The following SLC44A5 variants were observed in gnomAD, a reference collection of about 807,000 sequenced individuals.
SLC44A5 encodes the protein choline transporter-like protein 5.
In SLC44A5, 57 loss-of-function variants were observed where a neutral mutation model predicts 101.8. The observed-to-expected ratio is 0.56, with a 90% CI of 0.45 to 0.70. The LOEUF (loss-of-function observed/expected upper bound fraction) is 0.70. Ranked by LOEUF, SLC44A5 falls within the 30% of genes least tolerant of loss-of-function variation. The probability of loss-of-function intolerance (pLI) is 0.00; values close to 1 mark genes in which losing one functional copy is unlikely to be tolerated. For missense variants in SLC44A5, 737 were observed against 853.1 expected (o/e 0.86, Z 1.70); for synonymous variants, 281 against 290.9 (o/e 0.97, Z 0.35).
intron 1 of SLC44A5, among the ~76,000 whole-genome samples, chr1:75,588,350 A>G (rs1418845912): frequency 2.0e-4 from 30 of 152,074 alleles, no homozygotes; most frequent in Non-Finnish European, 1.5e-5. Flanking sequence ...CATTTATTGA[A>G]TACCCACTAT....
At chr1:75,591,345 C>T (rs1249119580) in intron 1 of SLC44A5, among the ~76,000 whole-genome samples, 1 of 151,956 alleles carries the variant, frequency 6.6e-6, no homozygotes. Flanking sequence ...TCTTACTTAA[C>T]AATAACATTA....
intron 4 of SLC44A5, among the ~76,000 whole-genome samples, chr1:75,333,564 T>A (rs572307988): frequency 7.9e-5 from 12 of 152,248 alleles, no homozygotes; most frequent in South Asian, 4.1e-4. Flanking sequence ...AGAGATTTTT[T>A]AAAAAGTATT....
In SLC44A5 at chr1:75,286,581, G is replaced by A. The variant is rs536840971; in HGVS notation, c.176-11539C>T. 1.6e-4 allele frequency among the ~76,000 whole-genome samples: 25 copies of A among 152,146 alleles called. No individual in the cohort carries two copies. The East Asian group carries it at 3.7e-3, about 22-fold the overall frequency. ...GTTTTATAGGTCCGTTGAGATTTAT[G>A]CTTTAAGGAGGTGCTATTTTGGTGT... On this transcript the variant is annotated intron_variant, in intron 5 of 23. Transcript: ENST00000370859.
At chr1:75,251,649 T>C (rs919712504) in intron 6 of SLC44A5, among the ~76,000 whole-genome samples, 13 of 152,200 alleles carry the variant, frequency 8.5e-5, no homozygotes, top group East Asian at 1.9e-4. Flanking sequence ...AGTATTAACA[T>C]ATGGTTTGAT....
chr1:75,272,180 A>G (rs1651532998), intron 6 of SLC44A5, among the ~76,000 whole-genome samples: 1 of 151,806 alleles, frequency 6.6e-6, no homozygotes, highest in East Asian at 1.9e-4. Flanking sequence ...TTTCTTGCTG[A>G]TTTGTTTGAG....
At chr1:75,485,780 A>G (rs556757919) in intron 2 of SLC44A5, among the ~76,000 whole-genome samples, 2 of 152,286 alleles carry the variant, frequency 1.3e-5, no homozygotes, top group South Asian at 4.1e-4. Flanking sequence ...ACAGTTCCAC[A>G]TGGCTGGGGA....
chr1:75,269,915 G>T (rs1651326153), intron 6 of SLC44A5, among the ~76,000 whole-genome samples: 1 of 152,156 alleles, frequency 6.6e-6, no homozygotes, highest in East Asian at 1.9e-4. Flanking sequence ...ATAATTGAAT[G>T]GTGGGGGCAG....
At chr1:75,458,761 T>C (rs1251533380) in intron 2 of SLC44A5, among the ~76,000 whole-genome samples, 3 of 152,184 alleles carry the variant, frequency 2.0e-5, no homozygotes, top group African/African-American at 7.2e-5. Context: ...TATTAGTCTA[T>C]AATCTTAATG....
chr1:75,492,824 G>A (rs572838116), intron 2 of SLC44A5, among the ~76,000 whole-genome samples: 2 of 152,270 alleles, frequency 1.3e-5, no homozygotes, highest in African/African-American at 4.8e-5. Flanking sequence ...CCCTTGGCCT[G>A]ACCACAGTGC....
At position 75,477,453 on chromosome 1, in the gene SLC44A5, C is replaced by T. The variant is rs557192073; in HGVS notation, c.13+63982G>A. ...AAGGCTTCAGATGATCAAACTACTCCGAGTTACAGGAGTAAATTCAAACCA... is the reference window on the plus strand; with the variant it reads ...AAGGCTTCAGATGATCAAACTACTCTGAGTTACAGGAGTAAATTCAAACCA... On this transcript the variant is annotated intron_variant, in intron 2 of 23. Coordinates refer to ENST00000370859, the MANE Select transcript of SLC44A5 (RefSeq NM_001130058.2). 1.4e-4 allele frequency among the ~76,000 whole-genome samples: 21 copies of T among 152,184 alleles called. No individual in the cohort carries two copies. In the South Asian group the frequency reaches 3.1e-3, roughly 23 times the overall value.
intron 4 of SLC44A5, among the ~76,000 whole-genome samples, chr1:75,333,493 T>C (rs1557673361): frequency 6.6e-6 from 1 of 151,176 alleles, no homozygotes; most frequent in Non-Finnish European, 1.5e-5. Context: ...TGTCACCGTC[T>C]ACAAGTTATT....
chr1:75,689,086 T>C, the SLC44A5 span, among the ~76,000 whole-genome samples: 1 of 152,180 alleles, frequency 6.6e-6, no homozygotes, highest in Non-Finnish European at 1.5e-5. Flanking sequence ...ATCCTGAAAC[T>C]AATATTACCC....
chr1:75,689,326 C>A, the SLC44A5 span, among the ~76,000 whole-genome samples: 2 of 152,062 alleles, frequency 1.3e-5, no homozygotes, highest in Non-Finnish European at 2.9e-5. Flanking sequence ...ATCCAAGGCC[C>A]AGATTTCCAA....
intron 2 of SLC44A5, among the ~76,000 whole-genome samples, chr1:75,508,510 A>T (rs1341168902): frequency 6.6e-6 from 1 of 152,166 alleles, no homozygotes; most frequent in African/African-American, 2.4e-5. Context: ...ATCAAAGTAC[A>T]ACTGAACAGT....
At chr1:75,555,251 A>G (rs1213708617) in intron 1 of SLC44A5, among the ~76,000 whole-genome samples, 1 of 152,176 alleles carries the variant, frequency 6.6e-6, no homozygotes, top group African/African-American at 2.4e-5. Context: ...AAATCAGATC[A>G]GTGGTTGCCT....
At chr1:75,641,536 A>C in the SLC44A5 span, 1 of 1,491,702 alleles carries the variant, frequency 6.7e-7, no homozygotes, top group African/African-American at 1.4e-5. Flanking sequence ...GCTTTTCTAC[A>C]AATGGCTTTT....
In SLC44A5 at chr1:75,256,130, T is replaced by G. The variant is rs181427561; in HGVS notation, c.261-4836A>C. ...TTATTATTTATATGAAATTAAAAAG[T>G]TAACTGGGCATTCTGTGCTTTTGTT... On this transcript the variant is annotated intron_variant, in intron 6 of 23. Transcript: ENST00000370859. Among the ~76,000 whole-genome samples, 197 of 152,234 alleles carry G rather than the reference T, an allele frequency of 1.3e-3. 1 individual carries two copies. The highest frequency in any genetic ancestry group is 4.5e-3 in the African/African-American group (185 of 41,510).
At position 75,325,010 on chromosome 1, in the gene SLC44A5, G is replaced by C. The variant is rs537553096; in HGVS notation, c.101+14572C>G. On this transcript the variant is annotated intron_variant, in intron 4 of 23. Transcript: ENST00000370859. ...TCTTGTACTAGGGGATGAGGATCTA[G>C]AAACAAAAGCTTTAAGGAACTCACA... Among the ~76,000 whole-genome samples, 26 of 152,224 alleles carry C rather than the reference G, an allele frequency of 1.7e-4. No individual in the cohort carries two copies. In the South Asian group the frequency reaches 4.8e-3, roughly 28 times the overall value.
chr1:75,367,475 G>A (rs905887496), intron 3 of SLC44A5, among the ~76,000 whole-genome samples: 4 of 152,194 alleles, frequency 2.6e-5, no homozygotes, highest in African/African-American at 9.6e-5. Context: ...GTGGACAGGT[G>A]TGGCTCCTGC....
Sources: allele counts gnomAD v4.1 joint callset (sites outside exome capture counted in the v4.1 genomes callset), GRCh38; gene constraint gnomAD v4.1.1; transcripts MANE v1.5; gene names NCBI Gene and HGNC (gene_info 2026-07-23, HGNC 2026-07-21).